Variants in LRRC9 observed in about 807,000 individuals in gnomAD.
LRRC9 encodes leucine-rich repeat-containing protein 9.
A neutral mutation model predicts 63.2 loss-of-function variants in LRRC9; 122 were observed. The ratio of observed to expected loss-of-function variants is 1.93; its 90% confidence interval spans 1.67 to 2.24. LRRC9 has a LOEUF of 2.24. LRRC9 is among the 30% of genes most tolerant of loss of function. The probability of loss-of-function intolerance (pLI) is 0.00; values close to 1 mark genes in which losing one functional copy is unlikely to be tolerated. For synonymous variants in LRRC9, 366 were observed against 213.1 expected (o/e 1.72, Z -6.25); for missense variants, 1,071 against 627.7 (o/e 1.71, Z -7.55).
At chr14:60,030,536 C>A (rs1891908187) in intron 28 of LRRC9, among the ~76,000 whole-genome samples, 2 of 151,980 alleles carry the variant, frequency 1.3e-5, no homozygotes, top group African/African-American at 4.8e-5. Context: ...CTGAAAATAA[C>A]CCCAAGAATA....
At chr14:59,956,010 G>C (rs912272315) in intron 8 of LRRC9, among the ~76,000 whole-genome samples, 2 of 152,102 alleles carry the variant, frequency 1.3e-5, no homozygotes, top group African/African-American at 4.8e-5. Context: ...GGAACTGTTT[G>C]TTATGATTTC....
chr14:60,030,519 C>T (rs1287706680), intron 28 of LRRC9: 7 of 152,004 alleles, frequency 4.6e-5, no homozygotes. Context: ...TAATTAATCA[C>T]CTGAAGCTGA....
chr14:59,975,022 T>G (rs1885967536), intron 13 of LRRC9, among the ~76,000 whole-genome samples: 1 of 85,120 alleles, frequency 1.2e-5, no homozygotes, highest in Non-Finnish European at 2.5e-5. Flanking sequence ...CATATATATA[T>G]ATGTGTCACA....
downstream of LRRC9, chr14:60,063,609 A>T: frequency 2.4e-6 from 1 of 418,490 alleles, no homozygotes. Context: ...CATAAAAATC[A>T]TCAACTATTA....
At chr14:59,984,862 A>G (rs219340) in intron 16 of LRRC9, among the ~76,000 whole-genome samples, 130,218 of 152,200 alleles carry the variant, frequency 0.86, 56,065 homozygotes, top group Non-Finnish European at 0.9. Context: ...TAGACCAAGT[A>G]AGAAATCATA....
chr14:60,062,306 A>C (rs1001367680), intron 31 of LRRC9, 127 bp downstream of exon 32: 6 of 391,808 alleles, frequency 1.5e-5, no homozygotes, highest in African/African-American at 1.2e-4. Flanking sequence ...GGGAACTAGA[A>C]AAAACTGTCA....
chr14:60,034,028 T>C (rs1892220322), intron 29 of LRRC9, among the ~76,000 whole-genome samples: 1 of 144,326 alleles, frequency 6.9e-6, no homozygotes, highest in Non-Finnish European at 1.5e-5. Context: ...TTTTTTTTTT[T>C]TTTTTTTTTT....
In LRRC9 at chr14:59,944,856, ACACACACACT is replaced by A. The variant is rs1193793524; in HGVS notation, c.882+122_882+131del. 2.1e-5 allele frequency: 10 copies of A among 473,442 alleles called. No homozygotes were observed. The South Asian group carries it at 3.1e-4, about 15-fold the overall frequency. The allele number at this position is 473,442 out of a possible 1,614,324, so 29.3% of individuals were successfully genotyped here. ...ATATACACACATATATAATACACAC[ACACACACACT>A]CACACACACACACACACACATATGT... On this transcript the variant is annotated intron_variant, in intron 8 of 31. Transcript: ENST00000445360.
chr14:59,967,953 T>G (rs970933040), intron 12 of LRRC9, among the ~76,000 whole-genome samples: 3 of 152,164 alleles, frequency 2.0e-5, no homozygotes, highest in Non-Finnish European at 2.9e-5. Flanking sequence ...CATTAAAAAT[T>G]TCTTGGATAT....
intron 16 of LRRC9, among the ~76,000 whole-genome samples, chr14:59,983,227 T>C (rs1046558302): frequency 6.6e-6 from 1 of 152,188 alleles, no homozygotes. Context: ...CCTTTGGGTG[T>C]TATTCATTAT....
rs189268730 is a variant in LRRC9, at chr14:60,063,269, C to A, written c.4277-54C>A. ...GCAGAATTACCTTAAGTTAGCTGAT[C>A]CATTACAAAATTAAGTCACCACTAT... On this transcript the variant is annotated intron_variant, in intron 31 of 31. Transcript: ENST00000445360. 91 of 687,062 alleles carry A rather than the reference C, an allele frequency of 1.3e-4. No homozygotes were observed. In the African/African-American group the frequency reaches 1.4e-3, roughly 11 times the overall value. 42.6% of individuals were successfully genotyped at this position (687,062 alleles called of 1,614,324 possible). A position where few individuals can be genotyped will look rare whatever the true frequency, so the allele number is the denominator to read the frequency against.
chr14:59,987,071 C>G (rs1426944845), intron 17 of LRRC9, among the ~76,000 whole-genome samples: 1 of 151,958 alleles, frequency 6.6e-6, no homozygotes, highest in Non-Finnish European at 1.5e-5. Flanking sequence ...TGGCTTAGTA[C>G]ATTGTTGTAA....
At chr14:59,935,182 T>G (rs1409837547) in intron 6 of LRRC9, among the ~76,000 whole-genome samples, 1 of 149,078 alleles carries the variant, frequency 6.7e-6, no homozygotes, top group Non-Finnish European at 1.5e-5. Context: ...AATCCCAGCC[T>G]ATTCAGGAGG....
chr14:60,051,904 G>A lies in LRRC9; in HGVS notation c.3991-1161G>A, dbSNP rs370548802. Among the ~76,000 whole-genome samples, 1 of 152,124 alleles carries A rather than the reference G, an allele frequency of 6.6e-6. No individual in the cohort carries two copies. The highest frequency in any genetic ancestry group is 2.4e-5 in the African/African-American group (1 of 41,416). ...TCCTGGGCACGATAGCACACTCACC[G>A]CTTCCCTTGGCTGGGGATGGGGGTT... On this transcript the variant is annotated intron_variant, in intron 29 of 31. Coordinates refer to ENST00000445360, the Ensembl canonical transcript of LRRC9. The surrounding 1 kb of genome is among the most constrained non-coding windows in gnomAD (Gnocchi z 4.7).
Position 60,053,368 on chromosome 14 carries a change from A to C in LRRC9, c.4131+163A>C, listed in dbSNP as rs1348860529. 6.9e-6 allele frequency among the ~76,000 whole-genome samples: 1 copy of C among 144,170 alleles called. No homozygotes were observed. The highest frequency in any genetic ancestry group is 1.5e-5 in the Non-Finnish European group (1 of 66,488). 94.6% of individuals were successfully genotyped at this position (144,170 alleles called of 152,430 possible). A position where few individuals can be genotyped will look rare whatever the true frequency, so the allele number is the denominator to read the frequency against. On this transcript the variant is annotated intron_variant, in intron 30 of 31. Transcript: ENST00000445360. The surrounding 1 kb of genome is among the most constrained non-coding windows in gnomAD (Gnocchi z 4.8). Reference sequence around the variant, plus strand: ...TATCAAAGGCAGCTGGATTTGGTGAATAGAGCATGCGTGCTCACACACACA... The same window carrying C: ...TATCAAAGGCAGCTGGATTTGGTGACTAGAGCATGCGTGCTCACACACACA...
rs1432761834 is a variant in LRRC9, at chr14:60,027,614, CCAAA to C, written c.3704-267_3704-264del. Among the ~76,000 whole-genome samples, 2 of 151,948 alleles carry C rather than the reference CCAAA, an allele frequency of 1.3e-5. No individual in the cohort carries two copies. Among genetic ancestry groups the C allele is most frequent in the Non-Finnish European group, 2.9e-5 (2 of 67,958 alleles). On this transcript the variant is annotated intron_variant, in intron 27 of 31. Coordinates refer to ENST00000445360, the Ensembl canonical transcript of LRRC9. The surrounding 1 kb of genome is among the most constrained non-coding windows in gnomAD (Gnocchi z 4.0). ...TACCGACTATTTTAACACTTAATTA[CCAAA>C]CAGACATATTAGATCAATTCAGTAC...
chr14:60,055,740 A>C (rs551986976), intron 30 of LRRC9, among the ~76,000 whole-genome samples: 9 of 149,362 alleles, frequency 6.0e-5, no homozygotes, highest in African/African-American at 2.0e-4. Context: ...TTAAAAAAAA[A>C]AAAAAACAAA....
downstream of LRRC9, among the ~76,000 whole-genome samples, chr14:60,065,107 C>A (rs932355566): frequency 6.6e-6 from 1 of 152,076 alleles, no homozygotes; most frequent in Non-Finnish European, 1.5e-5. Context: ...CTGAGCCGGG[C>A]GCAGTGGCTC....
rs201907600 is a variant in LRRC9, at chr14:60,058,032, C to CAAAT, written c.4276+12_4276+13insATAA. The CAAAT allele has an allele frequency of 7.5e-3, 4,475 of 600,560 alleles. 214 individuals carry two copies. The East Asian group carries it at 0.091, about 12-fold the overall frequency. The allele number at this position is 600,560 out of a possible 1,614,324, so 37.2% of individuals were successfully genotyped here. On this transcript the variant is annotated intron_variant, in intron 31 of 31. Coordinates refer to ENST00000445360, the Ensembl canonical transcript of LRRC9. The surrounding 1 kb of genome is among the most constrained non-coding windows in gnomAD (Gnocchi z 4.4). The stretch of plus-strand genomic sequence containing the variant: ...ACTCCTGAAGTTGAAGGTATTTTGA[C>CAAAT]AATTTCAGATAGAATGTAAAAGAAT...
Sources: gnomAD v4.1 joint callset for allele counts (sites outside exome capture counted in the v4.1 genomes callset) on GRCh38, gnomAD v4.1.1 for gene constraint, Gnocchi (gnomAD v3.1) non-coding constraint, MANE v1.5 for transcripts, NCBI Gene and HGNC (gene_info 2026-07-23, HGNC 2026-07-21) for gene names.